The following MAP1B variants were observed in gnomAD, a reference collection of about 807,000 sequenced individuals.
MAP1B encodes microtubule associated protein 1B.
In MAP1B, 12 loss-of-function variants were observed where a neutral mutation model predicts 176.1. That is an observed-to-expected ratio of 0.07 (90% confidence interval 0.04 to 0.11). The LOEUF is 0.11. Ranked by LOEUF, MAP1B falls within the 10% of genes least tolerant of loss-of-function variation. The pLI is 1.00. For missense variants in MAP1B, 2,523 were observed against 2,990.5 expected, an observed-to-expected ratio of 0.84 and a Z score of 3.65; for synonymous variants, 1,044 against 1,135.0, an observed-to-expected ratio of 0.92 and a Z score of 1.61.
intron 2 of MAP1B, among the ~76,000 whole-genome samples, chr5:72,118,328 A>G (rs1489231303): frequency 6.6e-6 from 1 of 152,000 alleles, no homozygotes; most frequent in East Asian, 1.9e-4. Flanking sequence ...AGAATCTTAA[A>G]TTAACTTAGA....
At chr5:72,119,229 T>G (rs1321018208) in intron 2 of MAP1B, among the ~76,000 whole-genome samples, 1 of 152,190 alleles carries the variant, frequency 6.6e-6, no homozygotes, top group Non-Finnish European at 1.5e-5. Flanking sequence ...CTTGGAGTGG[T>G]CAGTCATCTG....
chr5:72,140,173 G>A (rs1321397517), intron 2 of MAP1B, among the ~76,000 whole-genome samples: 2 of 152,040 alleles, frequency 1.3e-5, no homozygotes, highest in African/African-American at 4.8e-5. Flanking sequence ...ATGTTGCCCA[G>A]GCTGGTCTTG....
At chr5:72,117,131 G>GT (rs1561289768) in intron 2 of MAP1B, among the ~76,000 whole-genome samples, 3 of 151,716 alleles carry the variant, frequency 2.0e-5, no homozygotes, top group Non-Finnish European at 1.5e-5. Flanking sequence ...TGAAAAATCA[G>GT]TTTTTAAGTA....
rs1223921919 is a variant in MAP1B at position 72,134,981 on chromosome 5, G to A, written c.286+19182G>A. Among the ~76,000 whole-genome samples, 3 of 150,470 alleles carry A rather than the reference G, an allele frequency of 2.0e-5. No individual in the cohort carries two copies. In the East Asian group the frequency reaches 5.9e-4, roughly 29 times the overall value. On this transcript the variant is annotated intron_variant, in intron 2 of 6. Coordinates refer to ENST00000296755, the MANE Select transcript of MAP1B (RefSeq NM_005909.5). The stretch of plus-strand genomic sequence containing the variant: ...TATGAAAAAATTAATCAGGAGCGAG[G>A]TGGAATCCTGATGTTTCAGATGCTT...
chr5:72,136,347 G>C (rs1745836848), intron 2 of MAP1B, among the ~76,000 whole-genome samples: 1 of 152,174 alleles, frequency 6.6e-6, no homozygotes, highest in African/African-American at 2.4e-5. Context: ...CAGGAAATCA[G>C]CAATTGACTA....
rs1185104376 is a variant in MAP1B at position 72,199,871 on chromosome 5, C to A, written c.6516C>A (p.Ile2172=). The A allele has an allele frequency of 1.2e-6, 2 of 1,614,050 alleles. No individual in the cohort carries two copies. The highest frequency in any genetic ancestry group is 1.3e-5 in the African/African-American group (1 of 74,924). ...CGGAGACTGAAGAGTGCCCCTCCAT[C>A]ACGGCCGATGCCAATATCGACTCTG... ...VPPETEECPS[I]TADANIDSED... is the part of the protein sequence containing the mutation. Residue 2172 remains isoleucine, a synonymous_variant, in exon 5 of 7, where the codon ATC becomes ATA. Transcript: ENST00000296755. This position sits in a 1 kb window ranked among gnomAD's most constrained non-coding sequence, Gnocchi z 4.2.
intron 5 of MAP1B, among the ~76,000 whole-genome samples, chr5:72,203,168 C>G (rs1747367814): frequency 6.6e-6 from 1 of 152,140 alleles, no homozygotes; most frequent in Admixed American, 6.5e-5. Context: ...CAGACGTTTT[C>G]TTTTGACTTT....
chr5:72,111,949 G>C (rs1468392418), intron 1 of MAP1B, among the ~76,000 whole-genome samples: 2 of 151,832 alleles, frequency 1.3e-5, no homozygotes, highest in East Asian at 3.9e-4. Context: ...CAAGTTGCTG[G>C]CTTTAAAAAA....
Position 72,204,941 on chromosome 5 carries a change from C to T in MAP1B, c.7252-143C>T, listed in dbSNP as rs760673148. 1.1e-5 allele frequency: 6 copies of T among 568,580 alleles called. No homozygotes were observed. Among genetic ancestry groups the T allele is most frequent in the Non-Finnish European group, 1.8e-5 (6 of 331,378 alleles). The allele number at this position is 568,580 out of a possible 1,614,324, so 35.2% of individuals were successfully genotyped here. A position where few individuals can be genotyped will look rare whatever the true frequency, so the allele number is the denominator to read the frequency against. On this transcript the variant is annotated intron_variant, in intron 6 of 6. Coordinates refer to ENST00000296755, the MANE Select transcript of MAP1B (RefSeq NM_005909.5). This position sits in a 1 kb window ranked among gnomAD's most constrained non-coding sequence, Gnocchi z 4.4. ...TCCTGGAAAATATACATTGAAAAAT[C>T]CTTTGCATTTCTTGAGGAAAATAGA...
chr5:72,162,476 C>G (rs758375943), intron 2 of MAP1B, among the ~76,000 whole-genome samples: 6 of 151,626 alleles, frequency 4.0e-5, no homozygotes, highest in Non-Finnish European at 8.8e-5. Flanking sequence ...AAACGAAAGA[C>G]ATCCTGAAAA....
intron 4 of MAP1B, chr5:72,193,211 G>A (rs1747065091): frequency 5.4e-6 from 2 of 371,244 alleles, no homozygotes; most frequent in Admixed American, 3.7e-5. Flanking sequence ...GTAGTAATAG[G>A]CAATCCGTAA....
At position 72,194,720 on chromosome 5, in the gene MAP1B, T is replaced by C; in HGVS notation, c.1365T>C (p.Asn455=). The C allele has an allele frequency of 6.2e-7, 1 of 1,614,222 alleles. No individual in the cohort carries two copies. The highest frequency in any genetic ancestry group is 8.5e-7 in the Non-Finnish European group (1 of 1,180,046). ...NKDKAEFILP[N]GQEVDLPISY... ...ACAAGGCTGAATTCATTCTGCCTAA[T>C]GGTCAAGAAGTAGATCTCCCGATTT... The change falls in exon 5 of 7, where the codon AAT becomes AAC. Residue 455 remains asparagine (N), a synonymous_variant. Coordinates refer to ENST00000296755, the MANE Select transcript of MAP1B (RefSeq NM_005909.5). The surrounding 1 kb of genome is among the most constrained non-coding windows in gnomAD (Gnocchi z 7.2).
chr5:72,118,716 A>T (rs747075269), intron 2 of MAP1B, among the ~76,000 whole-genome samples: 5 of 152,124 alleles, frequency 3.3e-5, no homozygotes, highest in Non-Finnish European at 5.9e-5. Flanking sequence ...CCAAAGTGCT[A>T]GGATTATAGG....
At chr5:72,119,119 G>T (rs551453883) in intron 2 of MAP1B, among the ~76,000 whole-genome samples, 1 of 152,344 alleles carries the variant, frequency 6.6e-6, no homozygotes, top group South Asian at 2.1e-4. Context: ...TCTGAAATAT[G>T]AGTGCTTTCT....
Position 72,198,443 on chromosome 5 carries a change from C to T in MAP1B, c.5088C>T (p.Asp1696=), listed in dbSNP as rs1041743371. The change falls in exon 5 of 7, where the codon GAC becomes GAT. Residue 1696 remains aspartate, a synonymous_variant. Coordinates refer to ENST00000296755, the MANE Select transcript of MAP1B (RefSeq NM_005909.5). ...EVDYSPSDMQ[D]SSLSHKIPPM... is the part of the protein sequence containing the mutation. ...ACTACAGTCCTTCTGACATGCAGGA[C>T]TCCAGTTTATCACATAAGATACCAC... is the stretch of plus-strand genomic sequence containing the variant. 13 of 1,613,900 alleles carry T rather than the reference C, an allele frequency of 8.1e-6. No homozygotes were observed. The highest frequency in any genetic ancestry group is 1.1e-5 in the Non-Finnish European group (13 of 1,180,040).
At chr5:72,144,787 T>C (rs1013010286) in intron 2 of MAP1B, among the ~76,000 whole-genome samples, 4 of 152,040 alleles carry the variant, frequency 2.6e-5, no homozygotes, top group African/African-American at 9.6e-5. Context: ...TTTTTTAGAG[T>C]GTTGGGGAGA....
rs369702139 is a variant in MAP1B at position 72,197,955 on chromosome 5, G to C, written c.4600G>C (p.Val1534Leu). ...GTVSDKSATP[V>L]DEGVAEDTYS... Reference sequence around the variant, plus strand: ...TGTCTCAGACAAGTCAGCTACTCCTGTTGATGAGGGCGTAGCAGAAGACAC... The same window carrying C: ...TGTCTCAGACAAGTCAGCTACTCCTCTTGATGAGGGCGTAGCAGAAGACAC... The change falls in exon 5 of 7, where the codon GTT (valine) becomes CTT (leucine). Residue 1534 changes from valine (V) to leucine (L), a missense_variant. By Grantham distance (32) the Val-to-Leu change is conservative (BLOSUM62 1). Around this residue, in one of 4 missense-constraint regions of MAP1B, gnomAD observed 1,925 missense variants for 2,126.0 expected, o/e 0.91. Transcript: ENST00000296755. 6.2e-7 allele frequency: 1 copy of C among 1,614,084 alleles called. No individual in the cohort carries two copies. The highest frequency in any genetic ancestry group is 1.3e-5 in the African/African-American group (1 of 74,924).
At chr5:72,165,013 G>A (rs1746398142) in intron 2 of MAP1B, among the ~76,000 whole-genome samples, 1 of 151,928 alleles carries the variant, frequency 6.6e-6, no homozygotes, top group Admixed American at 6.6e-5. Flanking sequence ...ATGATACAGT[G>A]CCCTACTGTT....
Position 72,196,056 on chromosome 5 carries a change from G to C in MAP1B, c.2701G>C (p.Gly901Arg). 6.2e-7 allele frequency: 1 copy of C among 1,614,200 alleles called. No homozygotes were observed. Among genetic ancestry groups the C allele is most frequent in the South Asian group, 1.1e-5 (1 of 91,076 alleles). Residue 901 changes from glycine (G) to arginine (R), a missense_variant, in exon 5 of 7, where the codon GGG (glycine) becomes CGG (arginine). Gly to Arg is a moderately radical substitution (Grantham distance 125, BLOSUM62 -2). Around this residue, in one of 4 missense-constraint regions of MAP1B, gnomAD observed 1,925 missense variants for 2,126.0 expected, o/e 0.91. Coordinates refer to ENST00000296755, the MANE Select transcript of MAP1B (RefSeq NM_005909.5). This position sits in a 1 kb window ranked among gnomAD's most constrained non-coding sequence, Gnocchi z 5.3. ...TGATGAGGGAATCACTACCACTGAA[G>C]GGGAGGGCGAATGTGAACAGACACC... ...SPDEGITTTE[G>R]EGECEQTPEE...
Sources: gnomAD v4.1 joint callset for allele counts (sites outside exome capture counted in the v4.1 genomes callset) on GRCh38, gnomAD v4.1.1 for gene constraint, gnomAD v4.1.1 regional missense constraint, Gnocchi (gnomAD v3.1) non-coding constraint, MANE v1.5 for transcripts, NCBI Gene and HGNC (gene_info 2026-07-23, HGNC 2026-07-21) for gene names.